The following SEMA3A variants were observed in gnomAD, a reference collection of about 807,000 sequenced individuals.
SEMA3A encodes the protein semaphorin 3A.
Under a neutral mutation model 97.9 loss-of-function variants are expected in SEMA3A, and 29 were observed. The observed-to-expected ratio is 0.30, with a 90% CI of 0.22 to 0.40. SEMA3A has a LOEUF of 0.40. Ranked by LOEUF, SEMA3A falls within the 10% of genes least tolerant of loss-of-function variation. The pLI is 1.00. For synonymous variants in SEMA3A, 321 were observed against 323.7 expected, an observed-to-expected ratio of 0.99 and a Z score of 0.09; for missense variants, 763 against 951.3, an observed-to-expected ratio of 0.80 and a Z score of 2.60.
chr7:84,097,941 A>G (rs1364063050), intron 4 of SEMA3A, among the ~76,000 whole-genome samples: 3 of 152,142 alleles, frequency 2.0e-5, no homozygotes, highest in South Asian at 2.1e-4. Flanking sequence ...CCAAAGATTC[A>G]TAAGTACAAA....
Position 84,134,864 on chromosome 7 carries a change from C to G in SEMA3A, c.200G>C (p.Ser67Thr). The change falls in exon 2 of 17, where the codon AGT becomes ACT. Residue 67 changes from serine to threonine, a missense_variant. This residue lies in a region of SEMA3A where 678 missense variants were observed against 881.3 expected (regional missense o/e 0.77). Coordinates refer to ENST00000265362, the MANE Select transcript of SEMA3A (RefSeq NM_006080.3). ...ATCCTTTGCTCCAACATACAGCCTACTCCGTTCCTCATCCAAAAGGAAGGT... is the reference window on the plus strand; with the variant it reads ...ATCCTTTGCTCCAACATACAGCCTAGTCCGTTCCTCATCCAAAAGGAAGGT... ...YHTFLLDEER[S>T]RLYVGAKDHI... is the part of the protein sequence containing the mutation. 1 of 1,613,982 alleles carries G rather than the reference C, an allele frequency of 6.2e-7. No individual in the cohort carries two copies. The highest frequency in any genetic ancestry group is 8.5e-7 in the Non-Finnish European group (1 of 1,179,876).
chr7:84,393,634 T>A (rs548196108), intron 1 of SEMA3A, among the ~76,000 whole-genome samples: 386 of 152,246 alleles, frequency 2.5e-3, no homozygotes, highest in Non-Finnish European at 3.4e-3. Context: ...TCAAGGCAAA[T>A]GTCTTCTGTT....
At chr7:84,060,968 G>A (rs77409891) in intron 4 of SEMA3A, among the ~76,000 whole-genome samples, 82 of 152,246 alleles carry the variant, frequency 5.4e-4, no homozygotes, top group African/African-American at 1.9e-3. Context: ...AATTCACTAC[G>A]TTAGTTGTCT....
intron 3 of SEMA3A, among the ~76,000 whole-genome samples, chr7:84,246,519 A>G (rs1799480701): frequency 6.6e-6 from 1 of 152,348 alleles, no homozygotes; most frequent in African/African-American, 2.4e-5. Context: ...GAGGTTATAT[A>G]TAGTTACACA....
intron 5 of SEMA3A, among the ~76,000 whole-genome samples, chr7:84,058,493 A>C (rs1195484049): frequency 2.6e-5 from 4 of 152,330 alleles, no homozygotes; most frequent in Middle Eastern, 3.4e-3. Flanking sequence ...TTTATAGCAC[A>C]GTTATAAAGA....
chr7:84,387,794 T>C lies in SEMA3A; in HGVS notation c.-245-15894A>G, dbSNP rs543122921. ...ATGGTTGACATATTAAAACTCTACA[T>C]TTGTTTGATCTTACTAAACAATTTG... On this transcript the variant is annotated intron_variant, in intron 1 of 3. Coordinates refer to the SEMA3A transcript ENST00000424555. 2.0e-4 allele frequency among the ~76,000 whole-genome samples: 31 copies of C among 152,302 alleles called. 1 individual carries two copies. Among genetic ancestry groups the C allele is most frequent in the Admixed American group, 1.5e-3 (23 of 15,276 alleles).
chr7:84,074,267 A>C (rs1206309366), intron 4 of SEMA3A, among the ~76,000 whole-genome samples: 8 of 152,172 alleles, frequency 5.3e-5, no homozygotes, highest in Admixed American at 5.2e-4. Flanking sequence ...CAAGCTATTA[A>C]GAGTCCTTGG....
At chr7:84,308,881 C>T (rs1168617854) in intron 2 of SEMA3A, among the ~76,000 whole-genome samples, 1 of 151,076 alleles carries the variant, frequency 6.6e-6, no homozygotes, top group African/African-American at 2.4e-5. Context: ...GCAATGGCGC[C>T]GTCTCAGCTC....
At chr7:84,143,216 G>C (rs1796350901) in intron 1 of SEMA3A, among the ~76,000 whole-genome samples, 1 of 151,976 alleles carries the variant, frequency 6.6e-6, no homozygotes, top group Non-Finnish European at 1.5e-5. Context: ...CTTTCTACTG[G>C]TGAAAGATGA....
intron 4 of SEMA3A, among the ~76,000 whole-genome samples, chr7:84,066,808 G>A (rs1793522275): frequency 1.3e-5 from 2 of 152,070 alleles, no homozygotes; most frequent in South Asian, 2.1e-4. Context: ...CATGCTCATG[G>A]GTAGGAAGAA....
chr7:84,270,697 TTTA>T (rs1296766567), intron 3 of SEMA3A, among the ~76,000 whole-genome samples: 1 of 149,626 alleles, frequency 6.7e-6, no homozygotes, highest in African/African-American at 2.4e-5. Context: ...ATATGCATCT[TTTA>T]TTATTTGCTT....
intron 3 of SEMA3A, among the ~76,000 whole-genome samples, chr7:84,216,226 C>T (rs927224113): frequency 3.3e-5 from 5 of 152,144 alleles, no homozygotes; most frequent in Non-Finnish European, 7.4e-5. Context: ...CCTGCCTCAG[C>T]CTCCCAAGTA....
chr7:83,998,243 C>CCTA (rs1468124900), intron 12 of SEMA3A, among the ~76,000 whole-genome samples: 3 of 152,138 alleles, frequency 2.0e-5, no homozygotes, highest in African/African-American at 7.2e-5. Context: ...AGTACACTTA[C>CCTA]CTACTACCTA....
chr7:84,085,833 CAGAA>C (rs1236161174), intron 4 of SEMA3A, among the ~76,000 whole-genome samples: 1 of 152,058 alleles, frequency 6.6e-6, no homozygotes, highest in Non-Finnish European at 1.5e-5. Context: ...CATGGGTTGT[CAGAA>C]AGAAAAGTCT....
chr7:84,241,202 A>G (rs2116379386), intron 3 of SEMA3A, among the ~76,000 whole-genome samples: 1 of 152,302 alleles, frequency 6.6e-6, no homozygotes, highest in Admixed American at 6.5e-5. Context: ...AAATGGTTGA[A>G]CTAATTTACA....
intron 1 of SEMA3A, among the ~76,000 whole-genome samples, chr7:84,467,458 A>T (rs1806030797): frequency 6.8e-6 from 1 of 146,394 alleles, no homozygotes; most frequent in South Asian, 2.3e-4. Flanking sequence ...GGAGATGGAG[A>T]TTGCAGACAG....
intron 1 of SEMA3A, among the ~76,000 whole-genome samples, chr7:84,374,429 CAT>C (rs1270478131): frequency 4.6e-5 from 7 of 152,138 alleles, no homozygotes; most frequent in East Asian, 1.9e-4. Context: ...ATATTAAACA[CAT>C]ATCTTTCATA....
In SEMA3A at chr7:83,995,539, A is replaced by G. The variant is rs867651239; in HGVS notation, c.1452+6416T>C. On this transcript the variant is annotated intron_variant, in intron 12 of 16. Coordinates refer to ENST00000265362, the MANE Select transcript of SEMA3A (RefSeq NM_006080.3). Reference sequence around the variant, plus strand: ...ATGCACTATATGCTGCCTGTGGTTGAATATTAATAGACAATATATTATGAT... The same window carrying G: ...ATGCACTATATGCTGCCTGTGGTTGGATATTAATAGACAATATATTATGAT... Among the ~76,000 whole-genome samples, 10 of 152,324 alleles carry G rather than the reference A, an allele frequency of 6.6e-5. No individual in the cohort carries two copies. The South Asian group carries it at 1.9e-3, about 28-fold the overall frequency.
At chr7:84,192,624 T>C (rs980542780) in intron 1 of SEMA3A, among the ~76,000 whole-genome samples, 2 of 151,942 alleles carry the variant, frequency 1.3e-5, no homozygotes, top group African/African-American at 2.4e-5. Flanking sequence ...TCAAATTAAA[T>C]GTAATATTTT....
Sources: allele counts gnomAD v4.1 joint callset (sites outside exome capture counted in the v4.1 genomes callset), GRCh38; gene constraint gnomAD v4.1.1; regional missense constraint gnomAD v4.1.1; transcripts MANE v1.5; gene names NCBI Gene and HGNC (gene_info 2026-07-23, HGNC 2026-07-21).